CORO2A: variants seen among roughly 807,000 people sequenced by gnomAD.
The protein encoded by CORO2A is coronin 2A, also known as coronin-2A.
A neutral mutation model predicts 62.4 loss-of-function variants in CORO2A; 47 were observed. The ratio of observed to expected loss-of-function variants is 0.75; its 90% CI spans 0.60 to 0.96. The LOEUF is 0.96. Among genes scored for constraint, CORO2A ranks in the 40% least tolerant of loss-of-function variants. The pLI is 0.00. For synonymous variants in CORO2A, 273 were observed against 268.9 expected (o/e 1.02, Z -0.15); for missense variants, 610 against 684.1 (o/e 0.89, Z 1.21).
At chr9:98,177,463 T>G (rs953208082) in intron 1 of CORO2A, among the ~76,000 whole-genome samples, 1 of 134,420 alleles carries the variant, frequency 7.4e-6, no homozygotes, top group Non-Finnish European at 1.5e-5. Flanking sequence ...CTTTGTTTTT[T>G]TTTTTTTTTT....
chr9:98,187,835 T>A (rs12345418), intron 1 of CORO2A, among the ~76,000 whole-genome samples: 1 of 152,138 alleles, frequency 6.6e-6, no homozygotes, highest in Non-Finnish European at 1.5e-5. Flanking sequence ...AATCTGGCCA[T>A]GTTCCTACCC....
At chr9:98,148,203 T>C (rs1483415991) in intron 2 of CORO2A, among the ~76,000 whole-genome samples, 2 of 151,732 alleles carry the variant, frequency 1.3e-5, no homozygotes, top group African/African-American at 2.4e-5. Flanking sequence ...GAGACCAGCC[T>C]GGCCAACATA....
At chr9:98,187,262 G>A (rs1244287033) in intron 1 of CORO2A, among the ~76,000 whole-genome samples, 10 of 132,488 alleles carry the variant, frequency 7.5e-5, no homozygotes, top group Middle Eastern at 4.9e-3. Context: ...CACCCTGGGC[G>A]ACAGAGCAAG....
rs940075941 is a variant in CORO2A at position 98,123,378 on chromosome 9, C to A, written c.*1396G>T. 2 of 152,076 alleles carry A rather than the reference C, an allele frequency of 1.3e-5. No individual in the cohort carries two copies. The highest frequency in any genetic ancestry group is 2.9e-5 in the Non-Finnish European group (2 of 68,020). The allele number at this position is 152,076 out of a possible 1,614,324, so 9.4% of individuals were successfully genotyped here. On this transcript the variant is annotated 3_prime_UTR_variant, in exon 12 of 12. Coordinates refer to ENST00000375077, the MANE Select transcript of CORO2A (RefSeq NM_052820.4). ...TTCTAAAAAAATTTTTTTTTCCTAG[C>A]AGAATTGTTTTTCATACTAGCCCAA...
intron 7 of CORO2A, 72 bp downstream of exon 7, chr9:98,130,883 A>G: frequency 7.8e-7 from 1 of 1,288,374 alleles, no homozygotes; most frequent in South Asian, 1.3e-5. Context: ...CTGTGTTCCC[A>G]ATGGCCCCAG....
At chr9:98,176,704 C>A (rs1564218083) in intron 1 of CORO2A, among the ~76,000 whole-genome samples, 2 of 152,172 alleles carry the variant, frequency 1.3e-5, no homozygotes, top group Non-Finnish European at 2.9e-5. Context: ...TCGAACTCTG[C>A]AGATGGGGGC....
At chr9:98,139,437 G>A (rs1232099999) in intron 2 of CORO2A, among the ~76,000 whole-genome samples, 1 of 152,074 alleles carries the variant, frequency 6.6e-6, no homozygotes, top group Non-Finnish European at 1.5e-5. Context: ...AGACCAGCCT[G>A]GTCAATATGG....
intron 1 of CORO2A, among the ~76,000 whole-genome samples, chr9:98,176,312 G>A (rs1828108562): frequency 6.6e-6 from 1 of 152,160 alleles, no homozygotes; most frequent in Non-Finnish European, 1.5e-5. Flanking sequence ...CTAGGGGTAA[G>A]CACCAAATAC....
chr9:98,171,885 T>TG (rs1362013793), intron 1 of CORO2A, among the ~76,000 whole-genome samples: 1 of 151,858 alleles, frequency 6.6e-6, no homozygotes, highest in African/African-American at 2.4e-5. Flanking sequence ...AGTGTGTAAC[T>TG]GGGGGTGTGA....
chr9:98,126,474 T>C, intron 11 of CORO2A, 75 bp downstream of exon 11: 1 of 1,537,660 alleles, frequency 6.5e-7, no homozygotes, highest in Non-Finnish European at 8.8e-7. Context: ...ATTTTCTCCC[T>C]TCTTCTCAGC....
At chr9:98,149,978 A>G (rs1223715945) in intron 2 of CORO2A, among the ~76,000 whole-genome samples, 1 of 148,632 alleles carries the variant, frequency 6.7e-6, no homozygotes, top group Non-Finnish European at 1.5e-5. Flanking sequence ...CCTGGGCTGG[A>G]TGGAGTGCAG....
At chr9:98,154,329 G>GTATATATATATATATATATATATATA (rs61422672) in intron 2 of CORO2A, among the ~76,000 whole-genome samples, 1 of 88,956 alleles carries the variant, frequency 1.1e-5, no homozygotes, top group African/African-American at 5.4e-5. Flanking sequence ...GTGTTTGTGT[G>GTATATATATATATATATATATATATA]TATATATATA....
At chr9:98,163,218 C>T (rs1167634141) in intron 1 of CORO2A, among the ~76,000 whole-genome samples, 1 of 152,238 alleles carries the variant, frequency 6.6e-6, no homozygotes, top group Non-Finnish European at 1.5e-5. Flanking sequence ...GACGGAGTCT[C>T]GCTCTGTTGC....
In CORO2A at chr9:98,175,661, A is replaced by C. The variant is rs114525444; in HGVS notation, c.-1+16898T>G. On this transcript the variant is annotated intron_variant, in intron 1 of 11. Coordinates refer to ENST00000375077, the MANE Select transcript of CORO2A (RefSeq NM_052820.4). Reference sequence around the variant, plus strand: ...AGAGGGGCTGGTTTATTTATTACACAACACAATCGCATGGAGAGGCAGCAG... The same window carrying C: ...AGAGGGGCTGGTTTATTTATTACACCACACAATCGCATGGAGAGGCAGCAG... 4.4e-3 allele frequency among the ~76,000 whole-genome samples: 676 copies of C among 152,294 alleles called. 6 individuals are homozygous for C. The highest frequency in any genetic ancestry group is 0.015 in the African/African-American group (635 of 41,548).
intron 2 of CORO2A, among the ~76,000 whole-genome samples, chr9:98,152,798 A>G (rs943663036): frequency 4.6e-5 from 7 of 152,216 alleles, no homozygotes; most frequent in Non-Finnish European, 1.0e-4. Context: ...CCAAATTTAG[A>G]AACATTCTAC....
chr9:98,173,674 C>T (rs981635432), intron 1 of CORO2A, among the ~76,000 whole-genome samples: 1 of 152,196 alleles, frequency 6.6e-6, no homozygotes, highest in Admixed American at 6.5e-5. Flanking sequence ...GTCTGCTGTC[C>T]CATAACAGCT....
chr9:98,163,194 T>A (rs373658669), intron 1 of CORO2A, among the ~76,000 whole-genome samples: 1 of 152,170 alleles, frequency 6.6e-6, no homozygotes, highest in South Asian at 2.1e-4. Context: ...GTTTATTTCT[T>A]TTTTTTTCTT....
chr9:98,189,381 T>C (rs1322851459), intron 1 of CORO2A, among the ~76,000 whole-genome samples: 1 of 152,214 alleles, frequency 6.6e-6, no homozygotes, highest in Non-Finnish European at 1.5e-5. Context: ...CTGGACCTCC[T>C]GAGATTTGGC....
intron 2 of CORO2A, among the ~76,000 whole-genome samples, chr9:98,152,136 T>TTTTTG (rs1554744729): frequency 2.8e-4 from 40 of 145,010 alleles, no homozygotes; most frequent in African/African-American, 9.6e-4. Context: ...GTTTTTTTTT[T>TTTTTG]TTGTTTTTTC....
Sources: gnomAD v4.1 joint callset for allele counts (sites outside exome capture counted in the v4.1 genomes callset) on GRCh38, gnomAD v4.1.1 for gene constraint, MANE v1.5 for transcripts, NCBI Gene and HGNC (gene_info 2026-07-23, HGNC 2026-07-21) for gene names.